Variants in PPFIBP1 observed in about 807,000 individuals in gnomAD.
PPFIBP1 encodes liprin-beta-1.
Under a neutral mutation model 137.8 loss-of-function variants are expected in PPFIBP1, and 112 were observed. The ratio of observed to expected loss-of-function variants is 0.81; its 90% CI spans 0.70 to 0.95. The LOEUF is 0.95. PPFIBP1 is among the 40% of genes least tolerant of loss of function. The pLI, the probability that PPFIBP1 is intolerant of heterozygous loss-of-function variation, is 0.00. For synonymous variants in PPFIBP1, 378 were observed against 417.3 expected (o/e 0.91, Z 1.15); for missense variants, 1,083 against 1,196.6 (o/e 0.91, Z 1.40).
At chr12:27,662,302 G>A (rs1298460526) in intron 11 of PPFIBP1, among the ~76,000 whole-genome samples, 3 of 152,174 alleles carry the variant, frequency 2.0e-5, no homozygotes, top group African/African-American at 4.8e-5. Context: ...GAGTCGGGGC[G>A]TGGGGCTGAC....
At chr12:27,673,530 C>G (rs529948586) in intron 15 of PPFIBP1, among the ~76,000 whole-genome samples, 1 of 152,314 alleles carries the variant, frequency 6.6e-6, no homozygotes, top group South Asian at 2.1e-4. Flanking sequence ...GCTTTTCCAG[C>G]TCTTCTAACA....
At chr12:27,597,784 T>TTTTA (rs1205492526) in intron 2 of PPFIBP1, among the ~76,000 whole-genome samples, 3 of 152,200 alleles carry the variant, frequency 2.0e-5, no homozygotes, top group South Asian at 2.1e-4. Flanking sequence ...AAACTTTAAA[T>TTTTA]TTTATTTATT....
intron 1 of PPFIBP1, among the ~76,000 whole-genome samples, chr12:27,540,202 A>G (rs923032272): frequency 1.3e-5 from 2 of 151,406 alleles, no homozygotes; most frequent in East Asian, 3.9e-4. Flanking sequence ...GATTATAGGC[A>G]TGTGCCACCA....
intron 2 of PPFIBP1, among the ~76,000 whole-genome samples, chr12:27,584,945 G>C (rs1222184738): frequency 6.6e-6 from 1 of 152,204 alleles, no homozygotes; most frequent in East Asian, 1.9e-4. Flanking sequence ...ATGGCCCACT[G>C]TAGGGCATCT....
At chr12:27,599,281 G>C in intron 2 of PPFIBP1, 3 of 278,296 alleles carry the variant, frequency 1.1e-5, no homozygotes, top group South Asian at 1.1e-4. Context: ...CCTATCCATT[G>C]AGGCCTGAGT....
At position 27,553,997 on chromosome 12, in the gene PPFIBP1, G is replaced by C. The variant is rs117792584; in HGVS notation, c.-123-24155G>C. 3.8e-3 allele frequency among the ~76,000 whole-genome samples: 576 copies of C among 152,338 alleles called. 2 individuals are homozygous for C. The highest frequency in any genetic ancestry group is 6.0e-3 in the Non-Finnish European group (411 of 68,028). On this transcript the variant is annotated intron_variant, in intron 1 of 29. Transcript: ENST00000228425. ...ACAGAATTGAGCAGGGCAGAAAAAG[G>C]CATCTTTTGGAATGCCAGTGTTTCA...
At chr12:27,593,149 A>AAAAAAAAAC (rs2052741771) in intron 2 of PPFIBP1, among the ~76,000 whole-genome samples, 1 of 137,010 alleles carries the variant, frequency 7.3e-6, no homozygotes, top group Non-Finnish European at 1.6e-5. Flanking sequence ...AAAAAAAAAA[A>AAAAAAAAAC]AGCCCAAGTG....
chr12:27,678,566 T>C (rs1001963298), intron 19 of PPFIBP1, among the ~76,000 whole-genome samples: 1 of 152,068 alleles, frequency 6.6e-6, no homozygotes, highest in Non-Finnish European at 1.5e-5. Flanking sequence ...AATAAGAACA[T>C]TTAAGAGACG....
chr12:27,648,020 G>C, intron 6 of PPFIBP1, 178 bp downstream of exon 6: 1 of 699,012 alleles, frequency 1.4e-6, no homozygotes, highest in Non-Finnish European at 2.0e-6. Context: ...ACAATATAAA[G>C]TGTTTATGTA....
At chr12:27,565,557 C>G (rs895788755) in intron 1 of PPFIBP1, among the ~76,000 whole-genome samples, 1 of 152,130 alleles carries the variant, frequency 6.6e-6, no homozygotes, top group Non-Finnish European at 1.5e-5. Context: ...TCTCACATGT[C>G]CAGTTGTTTT....
chr12:27,679,779 C>T, intron 20 of PPFIBP1, 140 bp downstream of exon 20: 2 of 1,356,506 alleles, frequency 1.5e-6, no homozygotes, highest in Non-Finnish European at 2.0e-6. Flanking sequence ...GATTTATTAA[C>T]TCATTGGGTC....
intron 13 of PPFIBP1, among the ~76,000 whole-genome samples, chr12:27,668,742 G>A (rs1229836701): frequency 1.3e-5 from 2 of 152,194 alleles, no homozygotes; most frequent in Non-Finnish European, 2.9e-5. Context: ...TTCCCTGTAA[G>A]GCTGCAGTGG....
chr12:27,555,650 C>A (rs1176017392), intron 1 of PPFIBP1, among the ~76,000 whole-genome samples: 1 of 152,160 alleles, frequency 6.6e-6, no homozygotes, highest in Non-Finnish European at 1.5e-5. Flanking sequence ...GAGAAACAAT[C>A]ACTTGGCGAT....
chr12:27,525,500 T>C (rs177694), intron 1 of PPFIBP1, among the ~76,000 whole-genome samples: 141,681 of 141,688 alleles, frequency 1, 70,837 homozygotes, highest in Middle Eastern at 1. Flanking sequence ...AGGCTCTCTT[T>C]TGGAGCAGGA....
At chr12:27,663,839 CA>C (rs56020985) in intron 11 of PPFIBP1, among the ~76,000 whole-genome samples, 17,709 of 129,834 alleles carry the variant, frequency 0.14, 1,642 homozygotes, top group African/African-American at 0.29. Context: ...GACCCTGTCT[CA>C]AAAAAAAAAA....
chr12:27,617,571 T>C (rs1415600880), intron 2 of PPFIBP1, among the ~76,000 whole-genome samples: 1 of 152,346 alleles, frequency 6.6e-6, no homozygotes, highest in East Asian at 1.9e-4. Flanking sequence ...AAGTTCCTTA[T>C]ATGAAATGAT....
At chr12:27,582,686 A>G (rs190629915) in intron 2 of PPFIBP1, among the ~76,000 whole-genome samples, 13 of 152,306 alleles carry the variant, frequency 8.5e-5, no homozygotes, top group African/African-American at 3.1e-4. Flanking sequence ...GAGGAGACTT[A>G]AATTAGGGAT....
chr12:27,634,532 C>T (rs571521404), intron 3 of PPFIBP1, among the ~76,000 whole-genome samples: 1 of 152,282 alleles, frequency 6.6e-6, no homozygotes, highest in Non-Finnish European at 1.5e-5. Context: ...TTTTTCTAAG[C>T]CAGAAATCAT....
rs149301713 is a variant in PPFIBP1, at chr12:27,677,231, C to G, written c.1615+135C>G. On this transcript the variant is annotated intron_variant, in intron 19 of 29. Transcript: ENST00000228425. ...ATGTAGTTCTCTATTCCGGAGTGTT[C>G]TTTCCACCTTCTGCTAAAAAGGACT... 450 of 1,105,810 alleles carry G rather than the reference C, an allele frequency of 4.1e-4. 1 individual carries two copies. In the East Asian group the frequency reaches 8.3e-3, roughly 20 times the overall value. The allele number at this position is 1,105,810 out of a possible 1,614,324, so 68.5% of individuals were successfully genotyped here. A position where few individuals can be genotyped will look rare whatever the true frequency, so the allele number is the denominator to read the frequency against.
Sources: gnomAD v4.1 joint callset for allele counts (sites outside exome capture counted in the v4.1 genomes callset) on GRCh38, gnomAD v4.1.1 for gene constraint, MANE v1.5 for transcripts, NCBI Gene and HGNC (gene_info 2026-07-23, HGNC 2026-07-21) for gene names.